Variants in MTUS1 observed in about 807,000 individuals in gnomAD.
The protein encoded by MTUS1 is microtubule associated scaffold protein 1.
MTUS1 carries 109 observed loss-of-function variants against 120.8 expected under a neutral mutation model. That is an observed-to-expected ratio of 0.90 (90% CI 0.77 to 1.06). MTUS1 has a LOEUF of 1.06. MTUS1 is among the 50% of genes least tolerant of loss of function. The pLI is 0.00. For missense variants in MTUS1, 2,210 were observed against 1,486.3 expected (o/e 1.49, Z -8.01); for synonymous variants, 737 against 550.5 (o/e 1.34, Z -4.74).
chr8:17,672,208 G>C (rs895341123), intron 8 of MTUS1, among the ~76,000 whole-genome samples: 1 of 152,166 alleles, frequency 6.6e-6, no homozygotes, highest in African/African-American at 2.4e-5. Context: ...AAAACAGCCA[G>C]TGTGGTTAAT....
In MTUS1 at chr8:17,645,675, A is replaced by G. The variant is rs888727893; in HGVS notation, c.*251T>C. Reference sequence around the variant, plus strand: ...CTCTCGTTCTTTAAGTGCTTTGTGCAACAACGTCCGTGTCGATGCCGAAAT... The same window carrying G: ...CTCTCGTTCTTTAAGTGCTTTGTGCGACAACGTCCGTGTCGATGCCGAAAT... On this transcript the variant is annotated 3_prime_UTR_variant, in exon 15 of 15. Coordinates refer to ENST00000693296, the MANE Select transcript of MTUS1 (RefSeq NM_001363059.2). The G allele has an allele frequency of 7.2e-6, 3 of 416,634 alleles. No individual in the cohort carries two copies. The highest frequency in any genetic ancestry group is 1.3e-5 in the Non-Finnish European group (3 of 238,486). The allele number at this position is 416,634 out of a possible 1,614,324, so 25.8% of individuals were successfully genotyped here. A position where few individuals can be genotyped will look rare whatever the true frequency, so the allele number is the denominator to read the frequency against.
Position 17,755,895 on chromosome 8 carries a change from G to A in MTUS1, c.-88C>T. On this transcript the variant is annotated 5_prime_UTR_variant, in exon 2 of 15. Transcript: ENST00000693296. ...GGTGGGCAAAATGGTCTGTCTTCTA[G>A]GTTTTTCAGCACAGTTGAAAGGTTT... 6 of 1,504,610 alleles carry A rather than the reference G, an allele frequency of 4.0e-6. No individual in the cohort carries two copies. In the South Asian group the frequency reaches 8.2e-5, roughly 21 times the overall value. The allele number at this position is 1,504,610 out of a possible 1,614,324, so 93.2% of individuals were successfully genotyped here. A position where few individuals can be genotyped will look rare whatever the true frequency, so the allele number is the denominator to read the frequency against.
intron 3 of MTUS1, among the ~76,000 whole-genome samples, chr8:17,740,682 A>T (rs952327057): frequency 5.3e-5 from 8 of 152,198 alleles, no homozygotes; most frequent in African/African-American, 1.7e-4. Flanking sequence ...AGGCTGCCAT[A>T]ATAGTAATAA....
intron 4 of MTUS1, chr8:17,722,005 A>C: frequency 7.0e-7 from 1 of 1,429,276 alleles, no homozygotes; most frequent in Non-Finnish European, 9.1e-7. Context: ...GAAAAAAAAA[A>C]AAATGCGTAA....
intron 8 of MTUS1, among the ~76,000 whole-genome samples, chr8:17,666,441 C>T (rs1810927789): frequency 6.6e-6 from 1 of 152,104 alleles, no homozygotes; most frequent in Admixed American, 6.5e-5. Context: ...ACTCAATTCA[C>T]TCGGAGTTAC....
chr8:17,778,307 T>C lies in MTUS1; in HGVS notation c.-154-22346A>G, dbSNP rs552060403. 4.6e-5 allele frequency among the ~76,000 whole-genome samples: 7 copies of C among 152,306 alleles called. No homozygotes were observed. The South Asian group carries it at 1.2e-3, about 27-fold the overall frequency. On this transcript the variant is annotated intron_variant, in intron 1 of 14. Coordinates refer to ENST00000693296, the MANE Select transcript of MTUS1 (RefSeq NM_001363059.2). ...ATACTCTATAACTCCATTTATATAA[T>C]ATTCTGGAAAGGCAAATCTAAGGGA...
At position 17,755,356 on chromosome 8, in the gene MTUS1, T is replaced by C. The variant is rs749279700; in HGVS notation, c.452A>G (p.Tyr151Cys). ...TTGGTTTAGCTCCAAGGCATCACAGTAGCCTGCACAGTTCAAATTGTCATT... is the reference window on the plus strand; with the variant it reads ...TTGGTTTAGCTCCAAGGCATCACAGCAGCCTGCACAGTTCAAATTGTCATT... ...KPNDNLNCAG[Y>C]CDALELNQTF... Residue 151 changes from tyrosine (Y) to cysteine (C), a missense_variant, in exon 2 of 15, where the codon TAC (tyrosine) becomes TGC (cysteine). Transcript: ENST00000693296. 21 of 1,614,062 alleles carry C rather than the reference T, an allele frequency of 1.3e-5. No homozygotes were observed. Among genetic ancestry groups the C allele is most frequent in the Admixed American group, 3.3e-5 (2 of 60,008 alleles).
chr8:17,757,755 G>C (rs369914132), intron 1 of MTUS1, among the ~76,000 whole-genome samples: 17 of 152,254 alleles, frequency 1.1e-4, no homozygotes, highest in East Asian at 3.9e-4. Context: ...TCGAACTCCT[G>C]ACCTCAGGTA....
At chr8:17,648,403 G>A (rs529989488) in intron 13 of MTUS1, among the ~76,000 whole-genome samples, 29 of 152,304 alleles carry the variant, frequency 1.9e-4, no homozygotes, top group Admixed American at 1.9e-3. Context: ...TTACAGCAAA[G>A]TCTGATTTAT....
chr8:17,699,267 G>C (rs762143162), intron 6 of MTUS1, among the ~76,000 whole-genome samples: 36 of 152,156 alleles, frequency 2.4e-4, no homozygotes, highest in Non-Finnish European at 1.8e-4. Flanking sequence ...GCCCAGGCTG[G>C]AGTGTAATGG....
At chr8:17,678,848 G>A (rs1485507780) in intron 7 of MTUS1, among the ~76,000 whole-genome samples, 1 of 151,764 alleles carries the variant, frequency 6.6e-6, no homozygotes, top group African/African-American at 2.4e-5. Context: ...CCACCCAATA[G>A]ACCCTTTTAG....
chr8:17,741,305 G>A (rs1412739894), intron 3 of MTUS1, among the ~76,000 whole-genome samples: 1 of 152,114 alleles, frequency 6.6e-6, no homozygotes, highest in Non-Finnish European at 1.5e-5. Context: ...GCAGGTTGGG[G>A]CTTCAACATA....
intron 6 of MTUS1, among the ~76,000 whole-genome samples, chr8:17,685,734 G>A (rs1236992280): frequency 6.6e-6 from 1 of 152,130 alleles, no homozygotes; most frequent in Admixed American, 6.5e-5. Flanking sequence ...GCATTACATG[G>A]TTAAATAAGT....
chr8:17,713,113 C>G, intron 6 of MTUS1, 101 bp downstream of exon 6: 1 of 960,606 alleles, frequency 1.0e-6, no homozygotes, highest in Non-Finnish European at 1.6e-6. Flanking sequence ...ATTGGAAATT[C>G]TACTTATAAG....
Position 17,754,111 on chromosome 8 carries a change from T to C in MTUS1, c.1697A>G (p.Lys566Arg). 1.2e-6 allele frequency: 2 copies of C among 1,614,030 alleles called. No homozygotes were observed. The highest frequency in any genetic ancestry group is 1.7e-5 in the Admixed American group (1 of 60,012). ...TGTCTTGTTAATTAGAATTTCTGCT[T>C]TTTTGTCTGCATTCAAGTCAGATCT... ...TPRSDLNADK[K>R]AEILINKTHK... Residue 566 changes from lysine (K) to arginine (R), a missense_variant, in exon 2 of 15, where the codon AAA becomes AGA. Transcript: ENST00000693296.
At chr8:17,721,635 A>T (rs2045849678) in intron 4 of MTUS1, 2 of 1,464,482 alleles carry the variant, frequency 1.4e-6, no homozygotes, top group Non-Finnish European at 9.1e-7. Context: ...ACAGAAGTCA[A>T]GAGATCCTAA....
intron 1 of MTUS1, among the ~76,000 whole-genome samples, chr8:17,778,411 T>C (rs974480623): frequency 6.6e-6 from 1 of 152,210 alleles, no homozygotes; most frequent in African/African-American, 2.4e-5. Context: ...AAATCTATTT[T>C]GCTGAGTGTG....
intron 2 of MTUS1, among the ~76,000 whole-genome samples, chr8:17,753,484 G>T (rs1172356775): frequency 6.6e-6 from 1 of 152,106 alleles, no homozygotes; most frequent in African/African-American, 2.4e-5. Context: ...AAAAGGAACG[G>T]TGATACTTGA....
At chr8:17,776,647 C>G (rs1486582117) in intron 1 of MTUS1, among the ~76,000 whole-genome samples, 1 of 136,780 alleles carries the variant, frequency 7.3e-6, no homozygotes, top group African/African-American at 2.8e-5. Context: ...CCACGGCACT[C>G]CAGCCTGGGT....
Sources: gnomAD v4.1 joint callset for allele counts (sites outside exome capture counted in the v4.1 genomes callset) on GRCh38, gnomAD v4.1.1 for gene constraint, MANE v1.5 for transcripts, NCBI Gene and HGNC (gene_info 2026-07-23, HGNC 2026-07-21) for gene names.